STOX2: variants seen among roughly 807,000 people sequenced by gnomAD.
The protein encoded by STOX2 is storkhead-box protein 2.
STOX2 carries 28 observed loss-of-function variants against 60.9 expected under a neutral mutation model. The ratio of observed to expected loss-of-function variants is 0.46; its 90% CI spans 0.34 to 0.63. The LOEUF is 0.63. STOX2 is among the 30% of genes least tolerant of loss of function. STOX2 has a pLI of 0.01. For synonymous variants in STOX2, 472 were observed against 463.9 expected, an observed-to-expected ratio of 1.02 and a Z score of -0.22; for missense variants, 1,024 against 1,187.7, an observed-to-expected ratio of 0.86 and a Z score of 2.03.
At chr4:183,915,389 G>A (rs1265440217) in intron 1 of STOX2, among the ~76,000 whole-genome samples, 1 of 151,748 alleles carries the variant, frequency 6.6e-6, no homozygotes, top group African/African-American at 2.4e-5. Context: ...AACGAAGGCC[G>A]CCAGAGTGAC....
chr4:183,980,892 G>A (rs1475095929), intron 1 of STOX2, among the ~76,000 whole-genome samples: 1 of 152,034 alleles, frequency 6.6e-6, no homozygotes, highest in Non-Finnish European at 1.5e-5. Context: ...GCAACCCACA[G>A]AGAGGATAAC....
intron 1 of STOX2, among the ~76,000 whole-genome samples, chr4:183,819,010 C>G (rs2111108470): frequency 6.6e-6 from 1 of 152,178 alleles, no homozygotes; most frequent in East Asian, 1.9e-4. Flanking sequence ...AGACCCTCCT[C>G]ACTTCCTAGA....
rs149374410 is a variant in STOX2, at chr4:183,985,450, G to A, written c.167-15875G>A. 5.3e-3 allele frequency among the ~76,000 whole-genome samples: 814 copies of A among 152,218 alleles called. 6 individuals carry two copies. The highest frequency in any genetic ancestry group is 8.6e-3 in the Non-Finnish European group (582 of 68,012). Reference sequence around the variant, plus strand: ...CTTGGGTTGAAATCCCATCTCTGCCGTTCACCAGCTCTGTGAGCTTCAGGA... The same window carrying A: ...CTTGGGTTGAAATCCCATCTCTGCCATTCACCAGCTCTGTGAGCTTCAGGA... On this transcript the variant is annotated intron_variant, in intron 1 of 3. Transcript: ENST00000308497.
upstream of STOX2, among the ~76,000 whole-genome samples, chr4:183,903,816 C>T (rs894218406): frequency 3.3e-5 from 5 of 152,162 alleles, no homozygotes; most frequent in Admixed American, 1.3e-4. Context: ...GGACCAGTTT[C>T]GTGGAAGACA....
intron 1 of STOX2, among the ~76,000 whole-genome samples, chr4:183,926,274 A>T (rs1262218074): frequency 6.6e-6 from 1 of 152,222 alleles, no homozygotes; most frequent in East Asian, 1.9e-4. Context: ...TAAAAAATAT[A>T]AAGCATTCAA....
At chr4:183,958,750 T>A (rs533699463) in intron 1 of STOX2, among the ~76,000 whole-genome samples, 3 of 152,218 alleles carry the variant, frequency 2.0e-5, no homozygotes, top group Non-Finnish European at 4.4e-5. Context: ...GCTCTGCTCA[T>A]GATGTCTGCC....
intron 1 of STOX2, among the ~76,000 whole-genome samples, chr4:183,809,611 A>C (rs1355007956): frequency 6.6e-6 from 1 of 151,730 alleles, no homozygotes; most frequent in Non-Finnish European, 1.5e-5. Context: ...GTTGGCCAGG[A>C]TGGTCTCGAT....
At chr4:183,992,603 T>C (rs1733159298) in intron 1 of STOX2, among the ~76,000 whole-genome samples, 2 of 152,232 alleles carry the variant, frequency 1.3e-5, no homozygotes, top group Non-Finnish European at 2.9e-5. Context: ...CTCTTGTTGG[T>C]CAGGTGCTTT....
intron 1 of STOX2, among the ~76,000 whole-genome samples, chr4:183,893,968 A>G (rs759490658): frequency 1.3e-5 from 2 of 152,350 alleles, no homozygotes; most frequent in Middle Eastern, 3.4e-3. Flanking sequence ...CTCGGGCAAC[A>G]TGGTGAAACC....
intron 1 of STOX2, among the ~76,000 whole-genome samples, chr4:183,847,592 A>ATTCCT (rs1740017043): frequency 1.3e-5 from 2 of 152,224 alleles, no homozygotes; most frequent in African/African-American, 4.8e-5. Context: ...CAGCACTAGG[A>ATTCCT]ACCATCACCA....
At chr4:183,826,454 C>G (rs1392307020) in intron 1 of STOX2, among the ~76,000 whole-genome samples, 1 of 152,190 alleles carries the variant, frequency 6.6e-6, no homozygotes, top group Non-Finnish European at 1.5e-5. Context: ...GTTCGTCTTC[C>G]CTGTGAAAGC....
At chr4:183,956,458 C>CTATA (rs1289477360) in intron 1 of STOX2, among the ~76,000 whole-genome samples, 7 of 151,250 alleles carry the variant, frequency 4.6e-5, no homozygotes, top group African/African-American at 1.2e-4. Context: ...ATCTATCTAT[C>CTATA]TATCTATCTA....
In STOX2 at chr4:184,001,380, C is replaced by G; in HGVS notation, c.222C>G (p.Leu74=). The G allele has an allele frequency of 1.2e-6, 2 of 1,613,806 alleles. No homozygotes were observed. The highest frequency in any genetic ancestry group is 1.7e-6 in the Non-Finnish European group (2 of 1,179,822). ...TCAGTCAGTCTCAGTTTATTCCACT[C>G]GGGGAGATCCTCTGCTTGGCCATCT... ...SPISQSQFIP[L]GEILCLAISA... Residue 74 remains leucine, a synonymous_variant, in exon 2 of 4, where the codon CTC becomes CTG. Coordinates refer to ENST00000308497, the MANE Select transcript of STOX2 (RefSeq NM_020225.3). This position sits in a 1 kb window ranked among gnomAD's most constrained non-coding sequence, Gnocchi z 4.2.
At chr4:183,800,360 C>A (rs1738734096) in intron 1 of STOX2, among the ~76,000 whole-genome samples, 1 of 152,152 alleles carries the variant, frequency 6.6e-6, no homozygotes, top group South Asian at 2.1e-4. Flanking sequence ...TGAAACTCTG[C>A]TCTGAAAAGC....
At chr4:183,937,998 A>T (rs1195159326) in intron 1 of STOX2, among the ~76,000 whole-genome samples, 2 of 151,978 alleles carry the variant, frequency 1.3e-5, no homozygotes, top group Non-Finnish European at 2.9e-5. Context: ...AAAATCAGAA[A>T]ATTAGCCAGA....
Position 184,009,256 on chromosome 4 carries a change from A to G in STOX2, c.418A>G (p.Thr140Ala). The G allele has an allele frequency of 1.2e-6, 2 of 1,611,806 alleles. No individual in the cohort carries two copies. The highest frequency in any genetic ancestry group is 1.7e-6 in the Non-Finnish European group (2 of 1,178,994). The change falls in exon 3 of 4, where the codon ACC (threonine) becomes GCC (alanine). Residue 140 changes from threonine to alanine, a missense_variant. Thr to Ala is a moderately conservative substitution (Grantham distance 58). Coordinates refer to ENST00000308497, the MANE Select transcript of STOX2 (RefSeq NM_020225.3). This position sits in a 1 kb window ranked among gnomAD's most constrained non-coding sequence, Gnocchi z 4.0. Reference protein sequence around the residue: ...YPTPDGYFIVTPQTYFITPSL... With the variant: ...YPTPDGYFIVAPQTYFITPSL... The stretch of plus-strand genomic sequence containing the variant: ...AACTCCAGATGGCTACTTCATCGTG[A>G]CCCCACAGACTTATTTCATAACTCC...
upstream of STOX2, among the ~76,000 whole-genome samples, chr4:183,902,878 GGC>G (rs1472871550): frequency 6.6e-6 from 1 of 152,148 alleles, no homozygotes; most frequent in Non-Finnish European, 1.5e-5. Flanking sequence ...CAGGCTAGTT[GGC>G]CACGAACACT....
chr4:183,861,314 G>GC (rs201008960), intron 1 of STOX2, among the ~76,000 whole-genome samples: 3 of 151,954 alleles, frequency 2.0e-5, no homozygotes, highest in African/African-American at 7.2e-5. Context: ...ACCTTGGGGG[G>GC]GTCCTCACCC....
In STOX2 at chr4:184,018,851, A is replaced by G. The variant is rs1466835183; in HGVS notation, c.*1567A>G. On this transcript the variant is annotated 3_prime_UTR_variant, in exon 4 of 4. Transcript: ENST00000308497. ...TATTTGCAAAAGGGTTACATATGAC[A>G]CAAGTAAGTGTTCTGACATAAAGTT... 6.6e-6 allele frequency: 1 copy of G among 152,254 alleles called. No homozygotes were observed. The highest frequency in any genetic ancestry group is 1.5e-5 in the Non-Finnish European group (1 of 68,046). The allele number at this position is 152,254 out of a possible 1,614,324, so 9.4% of individuals were successfully genotyped here.
Sources: gnomAD v4.1 joint callset for allele counts (sites outside exome capture counted in the v4.1 genomes callset) on GRCh38, gnomAD v4.1.1 for gene constraint, Gnocchi (gnomAD v3.1) non-coding constraint, MANE v1.5 for transcripts, NCBI Gene and HGNC (gene_info 2026-07-23, HGNC 2026-07-21) for gene names.